GABRP: variants seen among roughly 807,000 people sequenced by gnomAD.
GABRP encodes gamma-aminobutyric acid receptor subunit pi.
GABRP carries 52 observed loss-of-function variants against 47.8 expected under a neutral mutation model. The observed-to-expected ratio is 1.09, with a 90% CI of 0.87 to 1.37. The LOEUF (loss-of-function observed/expected upper bound fraction) is 1.37, where lower values mean the gene tolerates loss of function less well. GABRP is among the 40% of genes most tolerant of loss of function. The probability of loss-of-function intolerance (pLI) is 0.00; values close to 1 mark genes in which losing one functional copy is unlikely to be tolerated. For synonymous variants in GABRP, 221 were observed against 205.8 expected, an observed-to-expected ratio of 1.07 and a Z score of -0.63; for missense variants, 525 against 542.8, an observed-to-expected ratio of 0.97 and a Z score of 0.33.
At position 170,788,685 on chromosome 5, in the gene GABRP, C is replaced by A; in HGVS notation, c.53+17C>A. The A allele has an allele frequency of 1.2e-6, 2 of 1,613,106 alleles. No homozygotes were observed. The highest frequency in any genetic ancestry group is 1.7e-6 in the Non-Finnish European group (2 of 1,179,206). On this transcript the variant is annotated intron_variant, in intron 2 of 9. Transcript: ENST00000265294. ...CACTGAGAGGTGAGCTTTGCTACCC[C>A]CAGAATGGCCTCCATCTGCGTTGCT...
At chr5:170,800,373 T>C (rs1765558087) in intron 6 of GABRP, among the ~76,000 whole-genome samples, 1 of 152,176 alleles carries the variant, frequency 6.6e-6, no homozygotes, top group African/African-American at 2.4e-5. Flanking sequence ...ATGTTAGACC[T>C]AAAACCATAA....
chr5:170,809,548 T>C lies in GABRP; in HGVS notation c.833-20T>C, dbSNP rs748018329. On this transcript the variant is annotated intron_variant, in intron 8 of 9. Coordinates refer to ENST00000265294, the MANE Select transcript of GABRP (RefSeq NM_014211.3). ...ACTAACCAGTCACTTTGTAGGAACA[T>C]CCCCTGCCTGTTTTCCCAGGAGTGA... The C allele has an allele frequency of 1.2e-6, 2 of 1,612,330 alleles. No homozygotes were observed. Among genetic ancestry groups the C allele is most frequent in the East Asian group, 2.2e-5 (1 of 44,870 alleles).
At chr5:170,787,845 G>A (rs1295960615) in intron 1 of GABRP, among the ~76,000 whole-genome samples, 1 of 152,188 alleles carries the variant, frequency 6.6e-6, no homozygotes, top group African/African-American at 2.4e-5. Flanking sequence ...GACCCCACAA[G>A]CCTAGACCTG....
intron 8 of GABRP, 88 bp from the exon 9 acceptor site, chr5:170,809,480 G>T (rs1381394668): frequency 7.5e-7 from 1 of 1,330,562 alleles, no homozygotes; most frequent in Non-Finnish European, 1.1e-6. Context: ...CCCTCACCCT[G>T]CCAATTCTCA....
At chr5:170,808,893 A>G (rs1439705465) in intron 8 of GABRP, 141 bp downstream of exon 8, 1 of 713,220 alleles carries the variant, frequency 1.4e-6, no homozygotes, top group Non-Finnish European at 2.2e-6. Context: ...AGAGAAAGAA[A>G]GAGAGAGACA....
chr5:170,785,905 A>G (rs1021083288), intron 1 of GABRP, among the ~76,000 whole-genome samples: 3 of 152,048 alleles, frequency 2.0e-5, no homozygotes, highest in Non-Finnish European at 2.9e-5. Context: ...GAGGGCCCCC[A>G]CTCTCCTTTG....
At chr5:170,804,561 A>C (rs1476542328) in intron 6 of GABRP, among the ~76,000 whole-genome samples, 1 of 152,036 alleles carries the variant, frequency 6.6e-6, no homozygotes. Flanking sequence ...AATGGGTGTG[A>C]GGCATTTTAT....
intron 7 of GABRP, 151 bp downstream of exon 7, chr5:170,806,004 C>A (rs1765726182): frequency 1.3e-6 from 1 of 793,668 alleles, no homozygotes; most frequent in Non-Finnish European, 2.0e-6. Flanking sequence ...TCCACCTCCT[C>A]CACACCCAGT....
intron 3 of GABRP, among the ~76,000 whole-genome samples, chr5:170,793,322 A>G (rs577929661): frequency 2.0e-5 from 3 of 152,336 alleles, no homozygotes; most frequent in South Asian, 4.2e-4. Context: ...ACATCTCCAT[A>G]TAAAGAGAAG....
At chr5:170,789,025 C>T (rs894826797) in intron 2 of GABRP, 104 bp from the exon 3 acceptor site, 5 of 831,088 alleles carry the variant, frequency 6.0e-6, no homozygotes, top group Non-Finnish European at 8.0e-6. Context: ...ATGGGCAAGG[C>T]ACATACACCC....
At chr5:170,784,409 T>C (rs1179886429) in intron 1 of GABRP, among the ~76,000 whole-genome samples, 4 of 152,136 alleles carry the variant, frequency 2.6e-5, no homozygotes, top group South Asian at 2.1e-4. Flanking sequence ...TGGGAAGTTT[T>C]CAAAAGAGAC....
At chr5:170,793,779 C>CA (rs5873239) in intron 3 of GABRP, among the ~76,000 whole-genome samples, 73,698 of 151,902 alleles carry the variant, frequency 0.49, 19,289 homozygotes, top group African/African-American at 0.69. Flanking sequence ...GAAAAAAATA[C>CA]AAATTAGCCG....
Position 170,794,900 on chromosome 5 carries a change from A to G in GABRP, c.241-308A>G, listed in dbSNP as rs367590584. ...GTGAGCTGTCACACCAAGTAAGTTA[A>G]AGTCTTGAACATGGCGTTCCCTTTT... On this transcript the variant is annotated intron_variant, in intron 4 of 9. Coordinates refer to ENST00000265294, the MANE Select transcript of GABRP (RefSeq NM_014211.3). Among the ~76,000 whole-genome samples, 63 of 151,624 alleles carry G rather than the reference A, an allele frequency of 4.2e-4. No individual in the cohort carries two copies. The South Asian group carries it at 0.013, about 31-fold the overall frequency.
At chr5:170,790,053 G>A (rs549848131) in intron 3 of GABRP, among the ~76,000 whole-genome samples, 7 of 152,128 alleles carry the variant, frequency 4.6e-5, no homozygotes, top group Middle Eastern at 3.4e-3. Context: ...TGTCTGTCCC[G>A]GCTCCAGGCT....
chr5:170,789,831 C>A (rs181376965), intron 3 of GABRP, among the ~76,000 whole-genome samples: 3 of 152,274 alleles, frequency 2.0e-5, no homozygotes, highest in Admixed American at 1.3e-4. Context: ...GCCTCTCCTG[C>A]CTCTATGCCT....
rs371669810 is a variant in GABRP, at chr5:170,805,872, T to A, written c.679+19T>A. On this transcript the variant is annotated intron_variant, in intron 7 of 9. Coordinates refer to ENST00000265294, the MANE Select transcript of GABRP (RefSeq NM_014211.3). The stretch of plus-strand genomic sequence containing the variant: ...GAGACAGGTAACTCATGTGACAAAC[T>A]GTATGAAATAAAAATAAGTGAACTG... 89 of 1,611,524 alleles carry A rather than the reference T, an allele frequency of 5.5e-5. No individual in the cohort carries two copies. Among genetic ancestry groups the A allele is most frequent in the Middle Eastern group, 5.0e-4 (3 of 6,050 alleles).
chr5:170,795,011 A>G (rs2127255538), intron 4 of GABRP, among the ~76,000 whole-genome samples, 197 bp from the exon 5 acceptor site: 1 of 146,318 alleles, frequency 6.8e-6, no homozygotes, highest in African/African-American at 2.5e-5. Context: ...GGGTAACTGG[A>G]GTGACTTATC....
chr5:170,798,175 G>A (rs6867907), intron 6 of GABRP, among the ~76,000 whole-genome samples: 47,973 of 152,012 alleles, frequency 0.32, 8,432 homozygotes, highest in African/African-American at 0.48. Flanking sequence ...CCAAGTAGCC[G>A]GGACCACAGG....
intron 1 of GABRP, 122 bp from the exon 2 acceptor site, chr5:170,788,452 G>A: frequency 1.6e-6 from 1 of 625,586 alleles, no homozygotes; most frequent in Non-Finnish European, 2.9e-6. Context: ...GGTATGGAAA[G>A]AGGCTGCTTC....
Sources: allele counts gnomAD v4.1 joint callset (sites outside exome capture counted in the v4.1 genomes callset), GRCh38; gene constraint gnomAD v4.1.1; transcripts MANE v1.5; gene names NCBI Gene and HGNC (gene_info 2026-07-23, HGNC 2026-07-21).